Variants in NFIB observed in about 807,000 individuals in gnomAD.
NFIB encodes the protein nuclear factor I B.
NFIB carries 11 observed loss-of-function variants against 61.5 expected under a neutral mutation model. The observed-to-expected ratio is 0.18, with a 90% CI of 0.11 to 0.30. NFIB has a LOEUF of 0.30. Among genes scored for constraint, NFIB ranks in the 10% least tolerant of loss-of-function variants. The probability of loss-of-function intolerance (pLI) is 1.00; values close to 1 mark genes in which losing one functional copy is unlikely to be tolerated. For missense variants in NFIB, 471 were observed against 608.9 expected, an observed-to-expected ratio of 0.77 and a Z score of 2.38; for synonymous variants, 260 against 216.5, an observed-to-expected ratio of 1.20 and a Z score of -1.76.
intron 3 of NFIB, among the ~76,000 whole-genome samples, chr9:14,172,481 CA>C (rs2045674558): frequency 6.6e-6 from 1 of 152,072 alleles, no homozygotes; most frequent in South Asian, 2.1e-4. Flanking sequence ...CAAGCTTCTA[CA>C]AGATAAATTC....
chr9:14,170,537 G>A (rs1254576558), intron 3 of NFIB, among the ~76,000 whole-genome samples: 1 of 152,162 alleles, frequency 6.6e-6, no homozygotes, highest in Non-Finnish European at 1.5e-5. Context: ...AGCTACTTGA[G>A]AGGCTTGAGG....
Position 14,220,352 on chromosome 9 carries a change from C to T in NFIB, c.563-40572G>A, listed in dbSNP as rs1414314100. 3.3e-5 allele frequency among the ~76,000 whole-genome samples: 5 copies of T among 152,122 alleles called. 1 individual carries two copies. The highest frequency in any genetic ancestry group is 6.5e-5 in the Admixed American group (1 of 15,274). Reference sequence around the variant, plus strand: ...TGCCTATCTGAAGCTATTTTAAAGCCCTTGTTGTGGTTCATAGGCTTAGAG... The same window carrying T: ...TGCCTATCTGAAGCTATTTTAAAGCTCTTGTTGTGGTTCATAGGCTTAGAG... On this transcript the variant is annotated intron_variant, in intron 2 of 10. Coordinates refer to ENST00000380953, the MANE Select transcript of NFIB (RefSeq NM_001190737.2).
At chr9:14,211,216 G>C (rs887909505) in intron 2 of NFIB, among the ~76,000 whole-genome samples, 1 of 152,062 alleles carries the variant, frequency 6.6e-6, no homozygotes, top group Non-Finnish European at 1.5e-5. Flanking sequence ...TTTTCTGTGT[G>C]ATTAACAGTA....
At chr9:14,480,018 A>AGAC in the NFIB span, among the ~76,000 whole-genome samples, 1 of 151,496 alleles carries the variant, frequency 6.6e-6, no homozygotes, top group Non-Finnish European at 1.5e-5. Flanking sequence ...GAAGGGAAAG[A>AGAC]GACAGAAAGG....
intron 6 of NFIB, among the ~76,000 whole-genome samples, chr9:14,128,155 T>TA (rs1165417119): frequency 1.3e-5 from 2 of 152,180 alleles, no homozygotes; most frequent in East Asian, 3.9e-4. Flanking sequence ...TGTAAAATCA[T>TA]AGACATACAG....
At chr9:14,400,910 G>A (rs1385006857), upstream of NFIB, among the ~76,000 whole-genome samples, 1 of 152,220 alleles carries the variant, frequency 6.6e-6, no homozygotes, top group Non-Finnish European at 1.5e-5. Context: ...CCTTTCTGGT[G>A]AGCCACTTCC....
At chr9:14,437,251 A>G in the NFIB span, among the ~76,000 whole-genome samples, 1 of 152,230 alleles carries the variant, frequency 6.6e-6, no homozygotes, top group South Asian at 2.1e-4. Flanking sequence ...TGCAGGAAAA[A>G]ACACCTATTC....
chr9:14,231,322 G>A (rs566937123), intron 2 of NFIB, among the ~76,000 whole-genome samples: 10 of 151,636 alleles, frequency 6.6e-5, no homozygotes, highest in African/African-American at 2.4e-4. Flanking sequence ...GAGAGACAAG[G>A]AAAGGCAGAG....
At chr9:14,315,469 G>A (rs1218230296), upstream of NFIB, among the ~76,000 whole-genome samples, 1 of 147,784 alleles carries the variant, frequency 6.8e-6, no homozygotes, top group Non-Finnish European at 1.5e-5. Flanking sequence ...CCGGGGCCCG[G>A]GGCGCCGGCG....
At chr9:14,425,191 T>C in the NFIB span, among the ~76,000 whole-genome samples, 1 of 152,168 alleles carries the variant, frequency 6.6e-6, no homozygotes, top group Non-Finnish European at 1.5e-5. Context: ...GCAGATAAAT[T>C]GTCAGCGAGC....
the NFIB span, among the ~76,000 whole-genome samples, chr9:14,479,342 C>G: frequency 6.6e-6 from 1 of 152,214 alleles, no homozygotes; most frequent in Non-Finnish European, 1.5e-5. Context: ...GAAACCCATA[C>G]TAGCAGACTT....
chr9:14,433,545 C>T, the NFIB span, among the ~76,000 whole-genome samples: 18 of 152,342 alleles, frequency 1.2e-4, no homozygotes, highest in South Asian at 3.3e-3. Flanking sequence ...CCTGGTTAAA[C>T]AGGATTTCCA....
At chr9:14,300,506 A>C (rs2059692161) in intron 2 of NFIB, among the ~76,000 whole-genome samples, 1 of 152,238 alleles carries the variant, frequency 6.6e-6, no homozygotes, top group Admixed American at 6.5e-5. Flanking sequence ...TTTACCCAGA[A>C]GCTAGTTTCA....
chr9:14,184,959 G>A (rs1233278882), intron 2 of NFIB, among the ~76,000 whole-genome samples: 2 of 152,142 alleles, frequency 1.3e-5, no homozygotes, highest in Admixed American at 1.3e-4. Context: ...GGAGGTGGAG[G>A]TTGCAGTGAG....
At chr9:14,162,508 C>T (rs1159672404) in intron 3 of NFIB, among the ~76,000 whole-genome samples, 1 of 152,028 alleles carries the variant, frequency 6.6e-6, no homozygotes, top group Non-Finnish European at 1.5e-5. Context: ...TCTAATATTT[C>T]TACAGGTAGC....
the NFIB span, among the ~76,000 whole-genome samples, chr9:14,489,593 C>T: frequency 1.3e-5 from 2 of 152,116 alleles, no homozygotes; most frequent in African/African-American, 2.4e-5. Context: ...GGAAGAAAGT[C>T]TCCTTCCAGG....
At chr9:14,237,390 C>A (rs10125346) in intron 2 of NFIB, among the ~76,000 whole-genome samples, 113,949 of 152,052 alleles carry the variant, frequency 0.75, 43,517 homozygotes, top group African/African-American at 0.88. Flanking sequence ...CATCAAAATC[C>A]CTAACACCCA....
the NFIB span, among the ~76,000 whole-genome samples, chr9:14,513,921 T>G: frequency 1.3e-5 from 2 of 152,206 alleles, no homozygotes; most frequent in Non-Finnish European, 2.9e-5. Context: ...TAATAGTGAG[T>G]GACAGATACT....
Position 14,168,564 on chromosome 9 carries a change from C to G in NFIB, c.616+11163G>C, listed in dbSNP as rs547200986. On this transcript the variant is annotated intron_variant, in intron 3 of 10. Coordinates refer to ENST00000380953, the MANE Select transcript of NFIB (RefSeq NM_001190737.2). ...AGGGTCATATTGTATGTCATGCTAA[C>G]GAGCTAGGCTTAGGCTAGAGTGGAG... Among the ~76,000 whole-genome samples, 14 of 152,140 alleles carry G rather than the reference C, an allele frequency of 9.2e-5. 1 individual carries two copies. Among genetic ancestry groups the G allele is most frequent in the Admixed American group, 9.2e-4 (14 of 15,272 alleles).
Sources: gnomAD v4.1 joint callset for allele counts (sites outside exome capture counted in the v4.1 genomes callset) on GRCh38, gnomAD v4.1.1 for gene constraint, MANE v1.5 for transcripts, NCBI Gene and HGNC (gene_info 2026-07-23, HGNC 2026-07-21) for gene names.